The following DAB1 variants were observed in gnomAD, a reference collection of about 807,000 sequenced individuals.
The protein encoded by DAB1 is disabled homolog 1.
DAB1 carries 15 observed loss-of-function variants against 64.6 expected under a neutral mutation model. The ratio of observed to expected loss-of-function variants is 0.23; its 90% CI spans 0.16 to 0.36. DAB1 has a LOEUF of 0.36. DAB1 is among the 10% of genes least tolerant of loss of function. The pLI is 1.00. For synonymous variants in DAB1, 235 were observed against 251.9 expected (o/e 0.93, Z 0.64); for missense variants, 596 against 706.7 (o/e 0.84, Z 1.78).
chr1:58,373,899 T>C (rs1021342182), intron 3 of DAB1, among the ~76,000 whole-genome samples: 1 of 150,616 alleles, frequency 6.6e-6, no homozygotes, highest in Non-Finnish European at 1.5e-5. Flanking sequence ...TATCTCATAG[T>C]GGTTTTGATT....
intron 5 of DAB1, chr1:58,048,915 G>A (rs1219632170): frequency 9.0e-6 from 8 of 893,290 alleles, no homozygotes; most frequent in Non-Finnish European, 1.5e-5. Context: ...TTTTCCAACT[G>A]TTAAAAATAA....
chr1:57,518,913 C>T (rs1644493489), intron 7 of DAB1, among the ~76,000 whole-genome samples: 1 of 152,184 alleles, frequency 6.6e-6, no homozygotes, highest in South Asian at 2.1e-4. Flanking sequence ...TGAGCCAGCT[C>T]TGGGGTGGGA....
chr1:58,065,269 C>T (rs1648784795), intron 5 of DAB1, among the ~76,000 whole-genome samples: 1 of 152,116 alleles, frequency 6.6e-6, no homozygotes, highest in Admixed American at 6.5e-5. Context: ...TGTTTAGCTT[C>T]AAATGCAGGG....
chr1:58,501,645 G>C (rs914837358), intron 3 of DAB1, among the ~76,000 whole-genome samples: 6 of 152,146 alleles, frequency 3.9e-5, no homozygotes, highest in African/African-American at 1.2e-4. Context: ...TCAAGTGTCA[G>C]CTTCTCAATG....
chr1:57,296,323 G>A (rs188173272), intron 1 of DAB1, among the ~76,000 whole-genome samples: 41 of 152,242 alleles, frequency 2.7e-4, no homozygotes, highest in Admixed American at 5.2e-4. Context: ...ATGTATATAT[G>A]TGTTGATATG....
intron 5 of DAB1, among the ~76,000 whole-genome samples, chr1:58,026,881 T>G (rs1397195878): frequency 6.6e-6 from 1 of 152,248 alleles, no homozygotes; most frequent in Non-Finnish European, 1.5e-5. Context: ...TGCCTGCACC[T>G]GTCCAGGGAA....
At chr1:57,009,818 A>G (rs561647435) in intron 14 of DAB1, among the ~76,000 whole-genome samples, 1 of 152,316 alleles carries the variant, frequency 6.6e-6, no homozygotes, top group East Asian at 1.9e-4. Context: ...CTTTCGATCA[A>G]ATCAGATGTA....
In DAB1 at chr1:57,206,123, T is replaced by C. The variant is rs576955575; in HGVS notation, c.68-60694A>G. On this transcript the variant is annotated intron_variant, in intron 2 of 14. Transcript: ENST00000371236. ...AGCAGGGAACACATTTGAGTATGTC[T>C]GTAATTGAATTCCAAAGGGGTTAGC... Among the ~76,000 whole-genome samples, 4 of 152,374 alleles carry C rather than the reference T, an allele frequency of 2.6e-5. No individual in the cohort carries two copies. In the East Asian group the frequency reaches 7.7e-4, roughly 29 times the overall value.
rs143564912 is a variant in DAB1, at chr1:58,268,178, A to T, written n.309+75174T>A. Among the ~76,000 whole-genome samples the T allele has an allele frequency of 2.3e-3, 356 of 152,292 alleles. 1 individual carries two copies. Among genetic ancestry groups the T allele is most frequent in the African/African-American group, 8.0e-3 (331 of 41,568 alleles). ...TGGTGATAATATATATCTTTAATTT[A>T]AAAAATTATTCTTTTATAGCCATAT... On this transcript the variant is annotated intron_variant and non_coding_transcript_variant, in intron 4 of 20. Transcript: ENST00000485760.
At chr1:57,406,127 G>A (rs900122134) in intron 1 of DAB1, among the ~76,000 whole-genome samples, 2 of 152,202 alleles carry the variant, frequency 1.3e-5, no homozygotes, top group Non-Finnish European at 2.9e-5. Flanking sequence ...GATGGAGAAC[G>A]TTGATTTTGT....
intron 5 of DAB1, among the ~76,000 whole-genome samples, chr1:57,960,090 T>A (rs1645481674): frequency 6.6e-6 from 1 of 152,106 alleles, no homozygotes; most frequent in Non-Finnish European, 1.5e-5. Context: ...CTGATAGCAA[T>A]CAGGTCCTGC....
intron 5 of DAB1, among the ~76,000 whole-genome samples, chr1:58,132,011 C>G (rs974302515): frequency 1.9e-4 from 29 of 152,214 alleles, no homozygotes; most frequent in East Asian, 1.2e-3. Flanking sequence ...TGGCTGCTTT[C>G]TTTACCTAAT....
intron 4 of DAB1, among the ~76,000 whole-genome samples, chr1:58,283,759 A>G (rs1311021046): frequency 1.3e-5 from 2 of 152,102 alleles, no homozygotes; most frequent in Non-Finnish European, 2.9e-5. Flanking sequence ...AGTAAGTGTT[A>G]TTTTTTCCTC....
chr1:57,749,232 C>T (rs1178315937), intron 6 of DAB1, among the ~76,000 whole-genome samples: 1 of 152,134 alleles, frequency 6.6e-6, no homozygotes, highest in Non-Finnish European at 1.5e-5. Context: ...CTGTCTTATC[C>T]ACTACCCGAC....
chr1:57,533,855 A>T (rs561161631), intron 7 of DAB1, among the ~76,000 whole-genome samples: 1 of 152,244 alleles, frequency 6.6e-6, no homozygotes, highest in South Asian at 2.1e-4. Context: ...TTCAGATATG[A>T]TTCTAATCTC....
At position 57,293,480 on chromosome 1, in the gene DAB1, A is replaced by G. The variant is rs12562392; in HGVS notation, c.-136-2314T>C. On this transcript the variant is annotated intron_variant, in intron 1 of 14. Coordinates refer to ENST00000371236, the MANE Select transcript of DAB1 (RefSeq NM_001365792.1). The stretch of plus-strand genomic sequence containing the variant: ...GCTGTTGTGGCAATTAAGTATGATC[A>G]CACACGTAATGTGATTGGAAGAGTG... Among the ~76,000 whole-genome samples the G allele has an allele frequency of 8.1e-3, 1,240 of 152,276 alleles. 31 individuals carry two copies. Among genetic ancestry groups the G allele is most frequent in the East Asian group, 0.08 (412 of 5,174 alleles).
intron 1 of DAB1, among the ~76,000 whole-genome samples, chr1:57,421,466 C>G (rs942482986): frequency 6.6e-6 from 1 of 152,126 alleles, no homozygotes; most frequent in South Asian, 2.1e-4. Flanking sequence ...ATTGCCAACT[C>G]GATGTGTAGA....
intron 5 of DAB1, among the ~76,000 whole-genome samples, chr1:58,147,356 T>C (rs1443765512): frequency 5.5e-4 from 74 of 134,594 alleles, no homozygotes; most frequent in African/African-American, 1.7e-3. Flanking sequence ...TGGTGGCTCA[T>C]GCCTGTAATC....
intron 7 of DAB1, among the ~76,000 whole-genome samples, chr1:57,646,490 G>A (rs1003298487): frequency 1.4e-4 from 22 of 152,184 alleles, no homozygotes; most frequent in African/African-American, 5.1e-4. Context: ...GCTAATGCCT[G>A]TAATTCCAGC....
Sources: gnomAD v4.1 joint callset for allele counts (sites outside exome capture counted in the v4.1 genomes callset) on GRCh38, gnomAD v4.1.1 for gene constraint, MANE v1.5 for transcripts, NCBI Gene and HGNC (gene_info 2026-07-23, HGNC 2026-07-21) for gene names.